Variants in RNF149 observed in about 807,000 individuals in gnomAD.
RNF149 encodes the protein ring finger protein 149.
RNF149 carries 21 observed loss-of-function variants against 39.0 expected under a neutral mutation model. The ratio of observed to expected loss-of-function variants is 0.54; its 90% CI spans 0.38 to 0.77. The LOEUF (loss-of-function observed/expected upper bound fraction) is 0.77. Ranked by LOEUF, RNF149 falls within the 30% of genes least tolerant of loss-of-function variation. The probability of loss-of-function intolerance (pLI) is 0.00; values close to 1 mark genes in which losing one functional copy is unlikely to be tolerated. For synonymous variants in RNF149, 209 were observed against 213.6 expected (o/e 0.98, Z 0.19); for missense variants, 493 against 534.9 (o/e 0.92, Z 0.77).
intron 1 of RNF149, among the ~76,000 whole-genome samples, chr2:101,305,129 C>T (rs932609083): frequency 2.0e-5 from 3 of 152,072 alleles, no homozygotes; most frequent in Non-Finnish European, 4.4e-5. Context: ...CATGAGCCAA[C>T]GCACTCGGCC....
At chr2:101,304,835 ATTTT>A (rs11340908) in intron 1 of RNF149, among the ~76,000 whole-genome samples, 17 of 89,742 alleles carry the variant, frequency 1.9e-4, no homozygotes, top group Admixed American at 9.8e-4. Flanking sequence ...GACTACTAGT[ATTTT>A]TTTTTTTTTT....
At chr2:101,293,955 C>A (rs1478454192) in intron 3 of RNF149, 59 bp downstream of exon 3, 1 of 962,088 alleles carries the variant, frequency 1.0e-6, no homozygotes, top group Non-Finnish European at 1.6e-6. Context: ...AAAATAAACA[C>A]GTACAGCATA....
At chr2:101,281,280 T>G (rs1399365538) in intron 6 of RNF149, among the ~76,000 whole-genome samples, 1 of 152,114 alleles carries the variant, frequency 6.6e-6, no homozygotes, top group East Asian at 1.9e-4. Context: ...CTTCATATAT[T>G]AAGTAAAAAG....
chr2:101,284,970 C>T (rs939844866), intron 5 of RNF149, among the ~76,000 whole-genome samples: 4 of 152,186 alleles, frequency 2.6e-5, no homozygotes, highest in African/African-American at 9.7e-5. Context: ...TCTCAGTTCA[C>T]TACAACCTCT....
intron 3 of RNF149, among the ~76,000 whole-genome samples, chr2:101,290,503 G>A (rs1266493702): frequency 1.3e-5 from 2 of 152,042 alleles, no homozygotes; most frequent in African/African-American, 4.8e-5. Flanking sequence ...GCAAATGTCT[G>A]CTATATTATA....
rs185143588 is a variant in RNF149 at position 101,303,708 on chromosome 2, C to A, written c.460+4421G>T. Among the ~76,000 whole-genome samples, 52 of 152,110 alleles carry A rather than the reference C, an allele frequency of 3.4e-4. No homozygotes were observed. The East Asian group carries it at 9.9e-3, about 29-fold the overall frequency. On this transcript the variant is annotated intron_variant, in intron 1 of 6. Transcript: ENST00000295317. Reference sequence around the variant, plus strand: ...CTTTTTTAATTTTATTCTTATACCTCTTATCAATAGGAGGGATTTCTTATA... The same window carrying A: ...CTTTTTTAATTTTATTCTTATACCTATTATCAATAGGAGGGATTTCTTATA...
intron 1 of RNF149, among the ~76,000 whole-genome samples, chr2:101,298,002 G>A (rs1255509141): frequency 6.6e-6 from 1 of 152,160 alleles, no homozygotes; most frequent in Admixed American, 6.5e-5. Flanking sequence ...CTGGACAAGG[G>A]GGTGAATAAA....
At chr2:101,307,268 G>A (rs1016748208) in intron 1 of RNF149, among the ~76,000 whole-genome samples, 2 of 152,138 alleles carry the variant, frequency 1.3e-5, no homozygotes, top group African/African-American at 4.8e-5. Flanking sequence ...CTACAGTCTC[G>A]ATCTCCTGGG....
At chr2:101,279,823 A>G (rs1682503681) in intron 6 of RNF149, among the ~76,000 whole-genome samples, 1 of 152,158 alleles carries the variant, frequency 6.6e-6, no homozygotes, top group African/African-American at 2.4e-5. Flanking sequence ...AAACTGACTT[A>G]GTTTCAATCT....
chr2:101,302,643 C>T (rs867785309), intron 1 of RNF149, among the ~76,000 whole-genome samples: 6 of 152,112 alleles, frequency 3.9e-5, no homozygotes, highest in East Asian at 1.9e-4. Context: ...TCACCTCTAC[C>T]GCACACAACA....
Position 101,277,249 on chromosome 2 carries a change from G to A in RNF149, c.1192C>T (p.Pro398Ser). The A allele has an allele frequency of 1.2e-6, 2 of 1,613,576 alleles. No individual in the cohort carries two copies. The highest frequency in any genetic ancestry group is 8.5e-7 in the Non-Finnish European group (1 of 1,179,736). The part of the protein sequence containing the change: ...AGRSDSRHGG[P>S]IS ...AGTGGGCACGTGTGCTAGGAGATGG[G>A]TCCTCCATGCCGAGAGTCACTCCTG... The change falls in exon 7 of 7, where the codon CCC becomes TCC. Residue 398 changes from proline (P) to serine (S), a missense_variant. Transcript: ENST00000295317.
intron 1 of RNF149, chr2:101,307,843 G>C (rs1683734382): frequency 1.0e-6 from 1 of 985,418 alleles, no homozygotes; most frequent in African/African-American, 1.7e-5. Flanking sequence ...TTCCTCACCT[G>C]TTAGAACCAC....
At chr2:101,283,840 TG>T (rs1164674947) in intron 5 of RNF149, among the ~76,000 whole-genome samples, 1 of 152,202 alleles carries the variant, frequency 6.6e-6, no homozygotes, top group African/African-American at 2.4e-5. Flanking sequence ...CCCTCTGCTA[TG>T]GTCAGTGAAA....
At chr2:101,296,501 A>G (rs1683240407) in intron 1 of RNF149, among the ~76,000 whole-genome samples, 1 of 152,226 alleles carries the variant, frequency 6.6e-6, no homozygotes, top group South Asian at 2.1e-4. Flanking sequence ...TTGTGGCTGT[A>G]GCATATGGAG....
intron 2 of RNF149, 101 bp downstream of exon 2, chr2:101,294,830 G>A (rs17190139): frequency 0.079 from 78,972 of 1,004,726 alleles, 3,761 homozygotes; most frequent in Non-Finnish European, 0.094. Context: ...TAATATAAGC[G>A]AAAATCAAGA....
At position 101,308,610 on chromosome 2, in the gene RNF149, A is replaced by G. The variant is rs748839329; in HGVS notation, c.-22T>C. On this transcript the variant is annotated 5_prime_UTR_variant, in exon 1 of 7. Coordinates refer to ENST00000295317, the MANE Select transcript of RNF149 (RefSeq NM_173647.4). Reference sequence around the variant, plus strand: ...CCATGGCAGCACCGCTGAGCTGACTAGGGGGAGTCAGGGTCACGCGCGAGT... The same window carrying G: ...CCATGGCAGCACCGCTGAGCTGACTGGGGGGAGTCAGGGTCACGCGCGAGT... 39 of 1,494,102 alleles carry G rather than the reference A, an allele frequency of 2.6e-5. No individual in the cohort carries two copies. The African/African-American group carries it at 3.3e-4, about 13-fold the overall frequency. The allele number at this position is 1,494,102 out of a possible 1,614,324, so 92.6% of individuals were successfully genotyped here.
chr2:101,290,794 C>T (rs1033289337), intron 3 of RNF149, among the ~76,000 whole-genome samples: 2 of 152,192 alleles, frequency 1.3e-5, no homozygotes, highest in Non-Finnish European at 2.9e-5. Flanking sequence ...AGTCTTGTGA[C>T]AAAATTTCCA....
intron 1 of RNF149, among the ~76,000 whole-genome samples, chr2:101,300,552 C>T (rs901376378): frequency 6.6e-6 from 1 of 152,136 alleles, no homozygotes; most frequent in Non-Finnish European, 1.5e-5. Context: ...GTGGGTCATG[C>T]CTGTAATCCC....
intron 5 of RNF149, among the ~76,000 whole-genome samples, chr2:101,282,828 T>C (rs992703154): frequency 6.6e-6 from 1 of 151,906 alleles, no homozygotes; most frequent in Non-Finnish European, 1.5e-5. Flanking sequence ...GCACCCCTCC[T>C]CCCTCCACTG....
Sources: gnomAD v4.1 joint callset for allele counts (sites outside exome capture counted in the v4.1 genomes callset) on GRCh38, gnomAD v4.1.1 for gene constraint, MANE v1.5 for transcripts, NCBI Gene and HGNC (gene_info 2026-07-23, HGNC 2026-07-21) for gene names.